The following ITGAE variants were observed in gnomAD, a reference collection of about 807,000 sequenced individuals.
ITGAE encodes integrin subunit alpha E.
Under a neutral mutation model 136.5 loss-of-function variants are expected in ITGAE, and 99 were observed. The ratio of observed to expected loss-of-function variants is 0.73; its 90% CI spans 0.62 to 0.86. The LOEUF is 0.86. Ranked by LOEUF, ITGAE falls within the 40% of genes least tolerant of loss-of-function variation. The pLI is 0.00. For missense variants in ITGAE, 1,447 were observed against 1,515.3 expected (o/e 0.95, Z 0.75); for synonymous variants, 613 against 591.8 (o/e 1.04, Z -0.52).
chr17:3,729,473 C>T lies in ITGAE; in HGVS notation c.2912+5G>A. On this transcript the variant is annotated splice_donor_5th_base_variant and intron_variant, in intron 24 of 30. Transcript: ENST00000263087. ...CACCGCTGCTGGCCTCTTGGGAGTA[C>T]TCACTTGGACAGAACTGCAACGAAG... 1 of 1,596,498 alleles carries T rather than the reference C, an allele frequency of 6.3e-7. No homozygotes were observed. Among genetic ancestry groups the T allele is most frequent in the Non-Finnish European group, 8.6e-7 (1 of 1,163,922 alleles).
rs1407454449 is a variant in ITGAE at position 3,799,704 on chromosome 17, A to G, written c.34+1407T>C. Among the ~76,000 whole-genome samples the G allele has an allele frequency of 1.3e-5, 2 of 152,246 alleles. No individual in the cohort carries two copies. Among genetic ancestry groups the G allele is most frequent in the African/African-American group, 2.4e-5 (1 of 41,468 alleles). ...TAATGGGAGATCAAAGCCACAAGCC[A>G]TAAAAAGAGTGAGACTCTCTCCACA... On this transcript the variant is annotated intron_variant, in intron 1 of 30. Coordinates refer to ENST00000263087, the MANE Select transcript of ITGAE (RefSeq NM_002208.5). This position sits in a 1 kb window ranked among gnomAD's most constrained non-coding sequence, Gnocchi z 4.1.
chr17:3,799,641 AAG>A lies in ITGAE; in HGVS notation c.34+1468_34+1469del, dbSNP rs1489994687. On this transcript the variant is annotated intron_variant, in intron 1 of 30. Coordinates refer to ENST00000263087, the MANE Select transcript of ITGAE (RefSeq NM_002208.5). The surrounding 1 kb of genome is among the most constrained non-coding windows in gnomAD (Gnocchi z 4.1). ...TCCTCTGTACTGGGAGAGGGTAGAC[AAG>A]AGTCTAGTCTAAGCATCTGCTCCAG... Among the ~76,000 whole-genome samples the A allele has an allele frequency of 1.3e-5, 2 of 152,122 alleles. No homozygotes were observed. The highest frequency in any genetic ancestry group is 2.9e-5 in the Non-Finnish European group (2 of 68,020).
At chr17:3,752,773 G>T (rs897823578) in intron 14 of ITGAE, among the ~76,000 whole-genome samples, 4 of 151,684 alleles carry the variant, frequency 2.6e-5, no homozygotes, top group Admixed American at 2.6e-4. Flanking sequence ...AAAAATGCTG[G>T]GCGAGGTGGC....
At chr17:3,731,721 A>C (rs563564230) in intron 22 of ITGAE, among the ~76,000 whole-genome samples, 1 of 152,270 alleles carries the variant, frequency 6.6e-6, no homozygotes, top group South Asian at 2.1e-4. Flanking sequence ...CAGGTGAAGA[A>C]GCCACTTCAG....
At chr17:3,795,333 G>A (rs1324895184) in intron 1 of ITGAE, among the ~76,000 whole-genome samples, 3 of 152,196 alleles carry the variant, frequency 2.0e-5, no homozygotes, top group Admixed American at 6.5e-5. Context: ...CCCAAAAAAG[G>A]TGCTCTAAAA....
At chr17:3,789,949 A>G (rs1054268442) in intron 1 of ITGAE, among the ~76,000 whole-genome samples, 7 of 148,170 alleles carry the variant, frequency 4.7e-5, no homozygotes, top group Admixed American at 3.4e-4. Context: ...TAATTAATTC[A>G]GGCCAGGATC....
chr17:3,723,439 C>A (rs768955446), intron 27 of ITGAE, 56 bp from the exon 28 acceptor site: 238 of 1,276,452 alleles, frequency 1.9e-4, no homozygotes, highest in Non-Finnish European at 2.7e-4. Flanking sequence ...AGTCTGAAAT[C>A]TTTTTAACAC....
rs1338247348 is a variant in ITGAE at position 3,762,469 on chromosome 17, T to C, written c.248-487A>G. ...CCTCAGGGGCAGAAATGGTAGCTCC[T>C]TCCTCGTCCTCCCCACTGTCAGCCT... On this transcript the variant is annotated intron_variant, in intron 3 of 30. Transcript: ENST00000263087. Among the ~76,000 whole-genome samples, 3 of 152,096 alleles carry C rather than the reference T, an allele frequency of 2.0e-5. No individual in the cohort carries two copies. In the East Asian group the frequency reaches 5.8e-4, roughly 29 times the overall value.
At chr17:3,796,257 G>A (rs1299553437) in intron 1 of ITGAE, among the ~76,000 whole-genome samples, 1 of 151,754 alleles carries the variant, frequency 6.6e-6, no homozygotes, top group Non-Finnish European at 1.5e-5. Flanking sequence ...AGGTCTGCCA[G>A]GCCTGGCTCA....
chr17:3,747,864 G>T, intron 17 of ITGAE, 58 bp downstream of exon 17: 1 of 1,336,970 alleles, frequency 7.5e-7, no homozygotes, highest in Non-Finnish European at 1.0e-6. Flanking sequence ...GCCCCTTACA[G>T]AAGCCAAAAA....
chr17:3,731,341 T>A (rs9899937), intron 22 of ITGAE, among the ~76,000 whole-genome samples, 158 bp from the exon 23 acceptor site: 1 of 39,702 alleles, frequency 2.5e-5, no homozygotes, highest in African/African-American at 3.7e-5. Flanking sequence ...CTTCCTTTTT[T>A]TTTTTTTTTT....
intron 2 of ITGAE, among the ~76,000 whole-genome samples, chr17:3,774,517 A>T (rs375262271): frequency 6.6e-6 from 1 of 152,132 alleles, no homozygotes; most frequent in African/African-American, 2.4e-5. Context: ...TAATCCCAGC[A>T]CTTTGGGAGG....
intron 1 of ITGAE, among the ~76,000 whole-genome samples, chr17:3,790,071 G>T (rs905194747): frequency 1.3e-5 from 2 of 152,084 alleles, no homozygotes; most frequent in Non-Finnish European, 2.9e-5. Context: ...GGCCTCTCAG[G>T]CATGTCCTTC....
chr17:3,781,160 T>C (rs1381295397), intron 1 of ITGAE, among the ~76,000 whole-genome samples: 1 of 152,228 alleles, frequency 6.6e-6, no homozygotes, highest in East Asian at 1.9e-4. Flanking sequence ...CAATGTGTTA[T>C]AGATGCCGCT....
intron 24 of ITGAE, among the ~76,000 whole-genome samples, chr17:3,728,962 G>A (rs1032655690): frequency 2.0e-5 from 3 of 151,752 alleles, no homozygotes; most frequent in African/African-American, 7.3e-5. Context: ...CTTGAACCTG[G>A]GCGGCAGAGG....
At chr17:3,760,353 A>G (rs2052135764) in intron 6 of ITGAE, 66 bp from the exon 7 acceptor site, 1 of 705,738 alleles carries the variant, frequency 1.4e-6, no homozygotes, top group South Asian at 1.5e-5. Flanking sequence ...TAGCATGTGT[A>G]GGGCATGCAC....
chr17:3,747,604 C>T (rs759188262), intron 17 of ITGAE, among the ~76,000 whole-genome samples: 23 of 152,198 alleles, frequency 1.5e-4, no homozygotes, highest in Non-Finnish European at 2.9e-4. Context: ...CCACCGCGCC[C>T]GGCCTTCTGA....
intron 2 of ITGAE, among the ~76,000 whole-genome samples, chr17:3,775,985 T>C (rs1352874760): frequency 6.6e-6 from 1 of 151,960 alleles, no homozygotes; most frequent in African/African-American, 2.4e-5. Flanking sequence ...TAGGTGGGTA[T>C]AGATGATATT....
chr17:3,767,064 C>T (rs987887495), intron 2 of ITGAE, among the ~76,000 whole-genome samples: 3 of 151,744 alleles, frequency 2.0e-5, no homozygotes, highest in African/African-American at 7.3e-5. Flanking sequence ...ATCCACCTGC[C>T]AACCCTGTTG....
Sources: gnomAD v4.1 joint callset for allele counts (sites outside exome capture counted in the v4.1 genomes callset) on GRCh38, gnomAD v4.1.1 for gene constraint, Gnocchi (gnomAD v3.1) non-coding constraint, MANE v1.5 for transcripts, NCBI Gene and HGNC (gene_info 2026-07-23, HGNC 2026-07-21) for gene names.